The following UGGT2 variants were observed in gnomAD, a reference collection of about 807,000 sequenced individuals.
The protein encoded by UGGT2 is UDP-glucose glycoprotein glucosyltransferase 2, also known as UDP-glucose:glycoprotein glucosyltransferase 2.
Under a neutral mutation model 192.1 loss-of-function variants are expected in UGGT2, and 180 were observed. The observed-to-expected ratio is 0.94, with a 90% CI of 0.83 to 1.06. The LOEUF is 1.06. Ranked by LOEUF, UGGT2 falls within the 50% of genes least tolerant of loss-of-function variation. UGGT2 has a pLI of 0.00. For missense variants in UGGT2, 1,849 were observed against 1,795.7 expected (o/e 1.03, Z -0.54); for synonymous variants, 580 against 591.0 (o/e 0.98, Z 0.27).
chr13:95,831,440 C>G (rs1409215887), intron 38 of UGGT2, among the ~76,000 whole-genome samples: 1 of 152,042 alleles, frequency 6.6e-6, no homozygotes, highest in African/African-American at 2.4e-5. Context: ...ATGCTGCCAG[C>G]ACAAATACAT....
intron 38 of UGGT2, among the ~76,000 whole-genome samples, chr13:95,820,196 A>T (rs1357998687): frequency 6.6e-6 from 1 of 151,972 alleles, no homozygotes; most frequent in African/African-American, 2.4e-5. Context: ...ACTTTTTTTT[A>T]AAGGGGATAC....
chr13:95,819,101 A>G (rs1443478545), intron 38 of UGGT2, among the ~76,000 whole-genome samples: 1 of 152,188 alleles, frequency 6.6e-6, no homozygotes, highest in African/African-American at 2.4e-5. Context: ...CCCCAAAATC[A>G]CACAAAGTAG....
At chr13:95,823,960 T>G (rs1231702283) in intron 38 of UGGT2, among the ~76,000 whole-genome samples, 2 of 152,108 alleles carry the variant, frequency 1.3e-5, no homozygotes, top group Non-Finnish European at 1.5e-5. Flanking sequence ...TAGTGCTGGT[T>G]TGGTAGTAGC....
intron 1 of UGGT2, among the ~76,000 whole-genome samples, chr13:96,045,817 C>A (rs1274589732): frequency 6.6e-6 from 1 of 152,128 alleles, no homozygotes; most frequent in Non-Finnish European, 1.5e-5. Flanking sequence ...CTACAAAACA[C>A]TGCTGAAAGA....
chr13:95,950,966 T>C (rs557969330), intron 12 of UGGT2, among the ~76,000 whole-genome samples: 2 of 152,114 alleles, frequency 1.3e-5, no homozygotes, highest in Non-Finnish European at 2.9e-5. Flanking sequence ...TAACTAAAAA[T>C]CCAAGAGGAA....
At chr13:96,011,814 ATC>A (rs2052170882) in intron 5 of UGGT2, among the ~76,000 whole-genome samples, 1 of 152,236 alleles carries the variant, frequency 6.6e-6, no homozygotes, top group Admixed American at 6.5e-5. Context: ...TCAAAAAGAC[ATC>A]TGACTAGATT....
chr13:95,999,197 G>C lies in UGGT2; in HGVS notation c.757+14C>G. On this transcript the variant is annotated intron_variant, in intron 6 of 38. Transcript: ENST00000376747. ...ACTTTTCATTCTACTCAAGTACTGA[G>C]ATAGAGAACTTACTTTTAACTTGGG... 1 of 1,602,948 alleles carries C rather than the reference G, an allele frequency of 6.2e-7. No individual in the cohort carries two copies. Among genetic ancestry groups the C allele is most frequent in the Non-Finnish European group, 8.5e-7 (1 of 1,170,316 alleles).
chr13:95,937,047 C>G lies in UGGT2; in HGVS notation c.1854G>C (p.Leu618Phe). Reference protein sequence around the residue: ...SFYKMTGLGPLPQALYNGEPF... With the variant: ...SFYKMTGLGPFPQALYNGEPF... ...GTTCACCATTATAAAGAGCTTGAGG[C>G]AAAGGACCCAGGCCAGTCATCTTAT... Residue 618 changes from leucine (L) to phenylalanine (F), a missense_variant, in exon 17 of 39, where the codon TTG (leucine) becomes TTC (phenylalanine). Leu to Phe is a conservative substitution (Grantham distance 22). Transcript: ENST00000376747. 6.2e-7 allele frequency: 1 copy of G among 1,603,758 alleles called. No homozygotes were observed. Among genetic ancestry groups the G allele is most frequent in the Non-Finnish European group, 8.5e-7 (1 of 1,177,870 alleles).
chr13:96,009,608 G>A (rs1186614205), intron 5 of UGGT2, among the ~76,000 whole-genome samples: 3 of 152,150 alleles, frequency 2.0e-5, no homozygotes, highest in Admixed American at 2.0e-4. Context: ...AAAAGATCAA[G>A]ACCATCCTGG....
At chr13:95,859,818 C>T (rs1889989281) in intron 32 of UGGT2, 143 bp from the exon 33 acceptor site, 4 of 549,178 alleles carry the variant, frequency 7.3e-6, no homozygotes, top group South Asian at 6.9e-5. Flanking sequence ...GCAGAACATA[C>T]AGGTTTGTTA....
intron 10 of UGGT2, among the ~76,000 whole-genome samples, chr13:95,975,998 T>C (rs1027806106): frequency 6.6e-6 from 1 of 152,112 alleles, no homozygotes; most frequent in South Asian, 2.1e-4. Flanking sequence ...AGTTAAAGTA[T>C]ACAATAAATT....
intron 12 of UGGT2, among the ~76,000 whole-genome samples, chr13:95,953,204 CA>C (rs1200364720): frequency 2.0e-5 from 3 of 152,140 alleles, no homozygotes; most frequent in Non-Finnish European, 4.4e-5. Flanking sequence ...AAGTGCAAAG[CA>C]AAAGGAGAGT....
intron 1 of UGGT2, among the ~76,000 whole-genome samples, chr13:96,052,210 G>A (rs114266939): frequency 0.013 from 1,928 of 152,296 alleles, 33 homozygotes; most frequent in African/African-American, 0.034. Flanking sequence ...AGTGAAGTAA[G>A]TCAGAAATGG....
chr13:95,874,388 C>T (rs371679509), intron 29 of UGGT2, among the ~76,000 whole-genome samples: 9 of 152,106 alleles, frequency 5.9e-5, no homozygotes, highest in African/African-American at 1.9e-4. Context: ...TTAAGTAAAA[C>T]GAGGGTTACC....
chr13:95,968,843 T>C (rs906421887), intron 12 of UGGT2, among the ~76,000 whole-genome samples: 35 of 152,260 alleles, frequency 2.3e-4, no homozygotes, highest in African/African-American at 8.4e-4. Context: ...ATTATACACA[T>C]ATACGTGTGT....
intron 10 of UGGT2, among the ~76,000 whole-genome samples, chr13:95,973,321 T>C (rs2050836046): frequency 6.6e-6 from 1 of 152,166 alleles, no homozygotes; most frequent in African/African-American, 2.4e-5. Context: ...AGATTAGAGA[T>C]AAAATTCAAT....
At chr13:95,908,036 G>C (rs1393005890) in intron 20 of UGGT2, among the ~76,000 whole-genome samples, 1 of 152,146 alleles carries the variant, frequency 6.6e-6, no homozygotes, top group Non-Finnish European at 1.5e-5. Context: ...ATAATAAACA[G>C]TGTAGAGAAG....
chr13:95,887,775 A>T, intron 26 of UGGT2, 117 bp downstream of exon 26: 2 of 637,486 alleles, frequency 3.1e-6, no homozygotes, highest in East Asian at 5.7e-5. Context: ...CTTCTGACTT[A>T]TTTCTTTGAA....
intron 2 of UGGT2, among the ~76,000 whole-genome samples, chr13:96,029,236 T>C (rs1331570504): frequency 6.6e-6 from 1 of 152,222 alleles, no homozygotes; most frequent in Non-Finnish European, 1.5e-5. Context: ...CCACATGCAT[T>C]AGACTCTGCC....
Sources: allele counts gnomAD v4.1 joint callset (sites outside exome capture counted in the v4.1 genomes callset), GRCh38; gene constraint gnomAD v4.1.1; transcripts MANE v1.5; gene names NCBI Gene and HGNC (gene_info 2026-07-23, HGNC 2026-07-21).